The following ADA variants were observed in gnomAD, a reference collection of about 807,000 sequenced individuals.
The protein encoded by ADA is adenosine aminohydrolase.
A neutral mutation model predicts 49.0 loss-of-function variants in ADA; 45 were observed. That is an observed-to-expected ratio of 0.92 (90% CI 0.72 to 1.18). The LOEUF (loss-of-function observed/expected upper bound fraction) is 1.18, where lower values mean the gene tolerates loss of function less well. ADA is among the 50% of genes most tolerant of loss of function. The probability of loss-of-function intolerance (pLI) is 0.00; values close to 1 mark genes in which losing one functional copy is unlikely to be tolerated. For missense variants in ADA, 445 were observed against 472.5 expected, an observed-to-expected ratio of 0.94 and a Z score of 0.54; for synonymous variants, 173 against 184.2, an observed-to-expected ratio of 0.94 and a Z score of 0.49.
chr20:44,643,649 C>T (rs1277248282), intron 1 of ADA, among the ~76,000 whole-genome samples: 1 of 152,166 alleles, frequency 6.6e-6, no homozygotes, highest in Non-Finnish European at 1.5e-5. Flanking sequence ...CCACAGGCCA[C>T]ACCCCCTCCC....
intron 1 of ADA, among the ~76,000 whole-genome samples, chr20:44,638,564 C>T (rs571185913): frequency 2.0e-5 from 3 of 152,152 alleles, no homozygotes; most frequent in South Asian, 2.1e-4. Context: ...GCGACAAGAG[C>T]GAAACTGCAT....
Position 44,646,166 on chromosome 20 carries a change from C to G in ADA, c.33+5409G>C, listed in dbSNP as rs556386145. 2.6e-5 allele frequency among the ~76,000 whole-genome samples: 4 copies of G among 152,310 alleles called. No individual in the cohort carries two copies. In the South Asian group the frequency reaches 8.3e-4, roughly 32 times the overall value. On this transcript the variant is annotated intron_variant, in intron 1 of 11. Transcript: ENST00000372874. ...AGGGCCCCCAGCCACCCAGGTCAAGCCCACCCTGAGGTTGAATGCAGGATT... is the reference window on the plus strand; with the variant it reads ...AGGGCCCCCAGCCACCCAGGTCAAGGCCACCCTGAGGTTGAATGCAGGATT...
chr20:44,647,185 G>C (rs62207811), intron 1 of ADA, among the ~76,000 whole-genome samples: 5 of 151,888 alleles, frequency 3.3e-5, no homozygotes, highest in Non-Finnish European at 2.9e-5. Context: ...CTGTAATCCC[G>C]GCACTTTGGG....
chr20:44,626,178 G>A (rs1426817009), intron 4 of ADA: 2 of 542,840 alleles, frequency 3.7e-6, no homozygotes, highest in African/African-American at 3.8e-5. Flanking sequence ...AATCCTGGGT[G>A]GCTAAGCAGG....
intron 1 of ADA, among the ~76,000 whole-genome samples, chr20:44,645,153 T>C (rs2299690): frequency 0.53 from 80,916 of 151,630 alleles, 22,347 homozygotes; most frequent in East Asian, 0.75. Context: ...GAGGCTGAGG[T>C]GGGTGGATCA....
At chr20:44,644,780 T>C (rs2065573299) in intron 1 of ADA, among the ~76,000 whole-genome samples, 1 of 152,180 alleles carries the variant, frequency 6.6e-6, no homozygotes, top group Non-Finnish European at 1.5e-5. Flanking sequence ...AGGTACACAG[T>C]GGAAGGGACT....
chr20:44,636,106 G>T, intron 2 of ADA, 121 bp downstream of exon 2: 2 of 958,136 alleles, frequency 2.1e-6, no homozygotes, highest in Non-Finnish European at 1.6e-6. Context: ...CCTGGAGCTG[G>T]CTTGATTCCC....
At position 44,635,846 on chromosome 20, in the gene ADA, C is replaced by T. The variant is rs530587496; in HGVS notation, c.95+381G>A. On this transcript the variant is annotated intron_variant, in intron 2 of 11. Coordinates refer to ENST00000372874, the MANE Select transcript of ADA (RefSeq NM_000022.4). Reference sequence around the variant, plus strand: ...CCAGGAGGTGGAGGTTGCAGTGAGCCGAGATCATGCCACTGCACTCCAGCC... The same window carrying T: ...CCAGGAGGTGGAGGTTGCAGTGAGCTGAGATCATGCCACTGCACTCCAGCC... Among the ~76,000 whole-genome samples the T allele has an allele frequency of 1.1e-4, 17 of 151,976 alleles. No homozygotes were observed. The East Asian group carries it at 2.1e-3, about 19-fold the overall frequency.
chr20:44,644,270 C>T (rs1468849695), intron 1 of ADA, among the ~76,000 whole-genome samples: 3 of 152,098 alleles, frequency 2.0e-5, no homozygotes, highest in African/African-American at 4.8e-5. Context: ...GTCTGTCTCC[C>T]TCATGAGCCG....
chr20:44,625,522 G>C lies in ADA; in HGVS notation c.478+47C>G, dbSNP rs778434803. On this transcript the variant is annotated intron_variant, in intron 5 of 11. Coordinates refer to ENST00000372874, the MANE Select transcript of ADA (RefSeq NM_000022.4). ...CCCACTGCTAGGCCAGGAGGTCAGG[G>C]CCAGGGTGAGACGGGCGGCCCTGGG... 1.1e-5 allele frequency: 17 copies of C among 1,516,648 alleles called. No individual in the cohort carries two copies. In the South Asian group the frequency reaches 1.4e-4, roughly 13 times the overall value. The allele number at this position is 1,516,648 out of a possible 1,614,324, so 93.9% of individuals were successfully genotyped here. A position where few individuals can be genotyped will look rare whatever the true frequency, so the allele number is the denominator to read the frequency against.
intron 2 of ADA, among the ~76,000 whole-genome samples, chr20:44,630,412 G>A (rs1165914898): frequency 6.7e-6 from 1 of 149,802 alleles, no homozygotes; most frequent in African/African-American, 2.5e-5. Context: ...ATAGACAAAA[G>A]CACTCCGAGG....
chr20:44,621,082 A>ATCT lies in ADA; in HGVS notation c.910_911insAGA (p.Leu304delinsGlnMet). 6.2e-7 allele frequency: 1 copy of ATCT among 1,614,222 alleles called. No individual in the cohort carries two copies. Among genetic ancestry groups the ATCT allele is most frequent in the East Asian group, 2.2e-5 (1 of 44,886 alleles). ...TTTGGTCATCTGGTAATCAGTGTCC[A>ATCT]GGGTGGACTTGAAGATGAGCGGGTC... On this transcript the variant is annotated protein_altering_variant, in exon 10 of 12. Coordinates refer to ENST00000372874, the MANE Select transcript of ADA (RefSeq NM_000022.4).
intron 2 of ADA, among the ~76,000 whole-genome samples, chr20:44,632,305 A>G (rs111558390): frequency 0.014 from 2,118 of 152,286 alleles, 42 homozygotes; most frequent in African/African-American, 0.046. Flanking sequence ...CCAGGGAGGC[A>G]GGGCCAGGCT....
Position 44,625,678 on chromosome 20 carries a change from G to T in ADA, c.369C>A (p.Asp123Glu). The T allele has an allele frequency of 6.4e-7, 1 of 1,560,378 alleles. No individual in the cohort carries two copies. The highest frequency in any genetic ancestry group is 8.7e-7 in the Non-Finnish European group (1 of 1,151,482). ...EPIPWNQAEG[D>E]LTPDEVVALV... ...GGGCCACCACCTCGTCTGGGGTGAG[G>T]TCCCCTCTGTGTGAGGAGAGGAGTA... Residue 123 changes from aspartate to glutamate, a missense_variant, in exon 5 of 12, where the codon GAC becomes GAA. By Grantham distance (45) the Asp-to-Glu change is conservative (BLOSUM62 2). Transcript: ENST00000372874.
Position 44,643,500 on chromosome 20 carries a change from C to T in ADA, c.34-7212G>A, listed in dbSNP as rs188251234. On this transcript the variant is annotated intron_variant, in intron 1 of 11. Transcript: ENST00000372874. ...TTTAATCCCTAGGCAATGTACATAT[C>T]GGCCCATGTTACAGATGGGGAAATG... is the stretch of plus-strand genomic sequence containing the variant. 1.2e-4 allele frequency among the ~76,000 whole-genome samples: 18 copies of T among 152,322 alleles called. No individual in the cohort carries two copies. In the East Asian group the frequency reaches 2.3e-3, roughly 20 times the overall value.
intron 10 of ADA, 140 bp from the exon 11 acceptor site, chr20:44,620,541 G>A: frequency 1.3e-6 from 1 of 751,308 alleles, no homozygotes; most frequent in Non-Finnish European, 2.4e-6. Context: ...CTGTCACACG[G>A]CAGCAAGTGC....
intron 1 of ADA, among the ~76,000 whole-genome samples, chr20:44,640,666 CAAA>C (rs35863085): frequency 1.1e-3 from 144 of 136,218 alleles, no homozygotes; most frequent in African/African-American, 3.4e-3. Flanking sequence ...AACTCCACCT[CAAA>C]AAAAAAAAAA....
intron 1 of ADA, among the ~76,000 whole-genome samples, chr20:44,649,516 G>C (rs1341876794): frequency 6.6e-6 from 1 of 152,004 alleles, no homozygotes; most frequent in African/African-American, 2.4e-5. Flanking sequence ...TCCAGGTGTG[G>C]ACACTGAGGT....
chr20:44,647,604 C>T (rs901494897), intron 1 of ADA, among the ~76,000 whole-genome samples: 4 of 151,916 alleles, frequency 2.6e-5, no homozygotes, highest in Non-Finnish European at 5.9e-5. Context: ...CTTGTCAAGT[C>T]GTCCAGAGGA....
Sources: allele counts gnomAD v4.1 joint callset (sites outside exome capture counted in the v4.1 genomes callset), GRCh38; gene constraint gnomAD v4.1.1; transcripts MANE v1.5; gene names NCBI Gene and HGNC (gene_info 2026-07-23, HGNC 2026-07-21).